The following TESK2 variants were observed in gnomAD, a reference collection of about 807,000 sequenced individuals.
The protein encoded by TESK2 is testis associated actin remodelling kinase 2.
TESK2 carries 39 observed loss-of-function variants against 57.1 expected under a neutral mutation model. The observed-to-expected ratio is 0.68, with a 90% CI of 0.53 to 0.89. TESK2 has a LOEUF of 0.89. Ranked by LOEUF, TESK2 falls within the 40% of genes least tolerant of loss-of-function variation. The probability of loss-of-function intolerance (pLI) is 0.00; values close to 1 mark genes in which losing one functional copy is unlikely to be tolerated. For synonymous variants in TESK2, 249 were observed against 267.9 expected (o/e 0.93, Z 0.69); for missense variants, 646 against 732.1 (o/e 0.88, Z 1.36).
At chr1:45,444,612 T>A (rs532276853) in intron 2 of TESK2, among the ~76,000 whole-genome samples, 1 of 152,332 alleles carries the variant, frequency 6.6e-6, no homozygotes, top group Non-Finnish European at 1.5e-5. Context: ...AGAATCTATT[T>A]GACCCCAGCA....
intron 4 of TESK2, among the ~76,000 whole-genome samples, chr1:45,367,656 A>ATT (rs549920468): frequency 0.047 from 5,856 of 125,228 alleles, 174 homozygotes; most frequent in African/African-American, 0.061. Flanking sequence ...GTCACAAAGC[A>ATT]TTTTTTTTTT....
chr1:45,475,063 CAAAAAA>C (rs58542898), intron 1 of TESK2, among the ~76,000 whole-genome samples: 4 of 87,432 alleles, frequency 4.6e-5, no homozygotes, highest in Non-Finnish European at 9.9e-5. Context: ...GACTCTATCT[CAAAAAA>C]AAAAAAAAAA....
chr1:45,403,233 GA>G (rs11424640), intron 3 of TESK2, among the ~76,000 whole-genome samples: 302 of 128,014 alleles, frequency 2.4e-3, no homozygotes, highest in Non-Finnish European at 3.0e-3. Flanking sequence ...GCCGTGATGG[GA>G]AAAAAAAAAA....
Position 45,412,785 on chromosome 1 carries a change from G to A in TESK2, c.344+8940C>T, listed in dbSNP as rs534155119. On this transcript the variant is annotated intron_variant, in intron 3 of 10. Transcript: ENST00000372086. ...TATAATCCCAGCATTTTGGGAGGCC[G>A]AGGTGGGAGGATTGCTTGAGCTCAG... 9.2e-5 allele frequency among the ~76,000 whole-genome samples: 14 copies of A among 152,310 alleles called. No homozygotes were observed. The East Asian group carries it at 1.3e-3, about 15-fold the overall frequency.
chr1:45,441,360 G>A (rs1651436420), intron 2 of TESK2, among the ~76,000 whole-genome samples: 1 of 151,966 alleles, frequency 6.6e-6, no homozygotes, highest in African/African-American at 2.4e-5. Flanking sequence ...AATAGAGATG[G>A]GGTTTTGCCA....
At chr1:45,438,930 A>G (rs1651334257) in intron 2 of TESK2, among the ~76,000 whole-genome samples, 2 of 152,182 alleles carry the variant, frequency 1.3e-5, no homozygotes, top group Non-Finnish European at 2.9e-5. Flanking sequence ...TTTAAAAGAG[A>G]AAAGATTCAC....
At chr1:45,490,264 C>A (rs1002694200) in intron 1 of TESK2, among the ~76,000 whole-genome samples, 3 of 152,162 alleles carry the variant, frequency 2.0e-5, no homozygotes, top group Non-Finnish European at 2.9e-5. Flanking sequence ...ATTACGCAAA[C>A]CTGGATTTCG....
At chr1:45,350,028 GC>G (rs1647208844) in intron 5 of TESK2, among the ~76,000 whole-genome samples, 1 of 152,160 alleles carries the variant, frequency 6.6e-6, no homozygotes, top group Non-Finnish European at 1.5e-5. Context: ...TGTAATCCCA[GC>G]TACTCAGGAG....
At chr1:45,412,915 G>T (rs1650092087) in intron 3 of TESK2, among the ~76,000 whole-genome samples, 1 of 152,174 alleles carries the variant, frequency 6.6e-6, no homozygotes, top group African/African-American at 2.4e-5. Context: ...AGCTACTCAG[G>T]AGGCTGAGGT....
Position 45,403,399 on chromosome 1 carries a change from C to A in TESK2, c.345-17439G>T, listed in dbSNP as rs527651074. On this transcript the variant is annotated intron_variant, in intron 3 of 10. Coordinates refer to ENST00000372086, the MANE Select transcript of TESK2 (RefSeq NM_007170.3). ...CAAACATGTTTTAGAGGTATTACAT[C>A]ATGGAAAACTGGTTGTGCTAGGTCT... is the stretch of plus-strand genomic sequence containing the variant. Among the ~76,000 whole-genome samples the A allele has an allele frequency of 1.5e-4, 23 of 152,220 alleles. 1 individual carries two copies. Among genetic ancestry groups the A allele is most frequent in the Non-Finnish European group, 2.9e-4 (20 of 68,012 alleles).
chr1:45,370,346 G>A (rs1423092149), intron 4 of TESK2, among the ~76,000 whole-genome samples: 2 of 152,160 alleles, frequency 1.3e-5, no homozygotes, highest in East Asian at 1.9e-4. Context: ...GGAAATCACT[G>A]AAGGTTTCTG....
At chr1:45,455,696 T>G (rs759539687) in intron 2 of TESK2, among the ~76,000 whole-genome samples, 13 of 152,186 alleles carry the variant, frequency 8.5e-5, no homozygotes, top group Non-Finnish European at 1.6e-4. Flanking sequence ...ACATTGTAAA[T>G]GTAATTAATG....
intron 2 of TESK2, among the ~76,000 whole-genome samples, chr1:45,451,136 T>A (rs1383288262): frequency 6.6e-6 from 1 of 152,208 alleles, no homozygotes; most frequent in Non-Finnish European, 1.5e-5. Context: ...AACACTGCCT[T>A]ACAGCTGGAC....
At chr1:45,399,094 T>C (rs1358001235) in intron 3 of TESK2, 1 of 336,418 alleles carries the variant, frequency 3.0e-6, no homozygotes, top group Non-Finnish European at 5.8e-6. Flanking sequence ...CATTGCCTTG[T>C]TCACAGTTAG....
chr1:45,401,437 A>G (rs983679246), intron 3 of TESK2, among the ~76,000 whole-genome samples: 1 of 151,758 alleles, frequency 6.6e-6, no homozygotes, highest in Admixed American at 6.6e-5. Context: ...AATAAAAATT[A>G]AAAAAACACT....
At chr1:45,357,552 T>C (rs1267242690) in intron 4 of TESK2, among the ~76,000 whole-genome samples, 1 of 150,816 alleles carries the variant, frequency 6.6e-6, no homozygotes, top group African/African-American at 2.4e-5. Context: ...CAGCTTTGCT[T>C]TTTTAGTAAA....
intron 2 of TESK2, among the ~76,000 whole-genome samples, chr1:45,444,658 C>G (rs1489409877): frequency 6.6e-6 from 1 of 152,154 alleles, no homozygotes; most frequent in Non-Finnish European, 1.5e-5. Context: ...GGAACATATC[C>G]ACAACCTAGA....
chr1:45,432,240 T>C (rs1285951220), intron 2 of TESK2, among the ~76,000 whole-genome samples: 1 of 151,844 alleles, frequency 6.6e-6, no homozygotes, highest in Non-Finnish European at 1.5e-5. Context: ...CCCAGCTACT[T>C]AGGAAGTAGG....
chr1:45,402,328 G>T (rs374733135), intron 3 of TESK2, among the ~76,000 whole-genome samples: 1 of 150,564 alleles, frequency 6.6e-6, no homozygotes, highest in East Asian at 1.9e-4. Flanking sequence ...GAAGGTCAAG[G>T]CTATAGTGAG....
Sources: gnomAD v4.1 joint callset for allele counts (sites outside exome capture counted in the v4.1 genomes callset) on GRCh38, gnomAD v4.1.1 for gene constraint, MANE v1.5 for transcripts, NCBI Gene and HGNC (gene_info 2026-07-23, HGNC 2026-07-21) for gene names.